CAPZB: variants seen among roughly 807,000 people sequenced by gnomAD.
CAPZB encodes the protein capping actin protein of muscle Z-line subunit beta.
Under a neutral mutation model 38.1 loss-of-function variants are expected in CAPZB, and 2 were observed. The ratio of observed to expected loss-of-function variants is 0.05; its 90% CI spans 0.02 to 0.17. The LOEUF is 0.17. Among genes scored for constraint, CAPZB ranks in the 10% least tolerant of loss-of-function variants. The probability of loss-of-function intolerance (pLI) is 1.00; values close to 1 mark genes in which losing one functional copy is unlikely to be tolerated. For missense variants in CAPZB, 161 were observed against 334.2 expected, an observed-to-expected ratio of 0.48 and a Z score of 4.04; for synonymous variants, 107 against 127.4, an observed-to-expected ratio of 0.84 and a Z score of 1.08.
At chr1:19,372,934 T>A (rs2094126645) in intron 4 of CAPZB, among the ~76,000 whole-genome samples, 1 of 151,880 alleles carries the variant, frequency 6.6e-6, no homozygotes, top group African/African-American at 2.4e-5. Flanking sequence ...AAAATGAAGG[T>A]GACTTGCGAG....
At chr1:19,400,169 A>G (rs184830248) in intron 2 of CAPZB, among the ~76,000 whole-genome samples, 27 of 152,156 alleles carry the variant, frequency 1.8e-4, no homozygotes, top group Admixed American at 4.6e-4. Flanking sequence ...CGAGACCTCA[A>G]CACCATCCTG....
intron 2 of CAPZB, among the ~76,000 whole-genome samples, chr1:19,418,413 A>G: frequency 6.6e-6 from 1 of 152,158 alleles, no homozygotes; most frequent in East Asian, 1.9e-4. Context: ...GTTCATTTGC[A>G]TCACAACTAT....
intron 1 of CAPZB, among the ~76,000 whole-genome samples, chr1:19,463,301 T>A (rs1451090217): frequency 2.0e-5 from 3 of 152,130 alleles, no homozygotes; most frequent in African/African-American, 7.2e-5. Flanking sequence ...GTGCCGCTCT[T>A]CTCCACACCA....
At chr1:19,406,177 C>A (rs1273498096) in intron 2 of CAPZB, among the ~76,000 whole-genome samples, 1 of 152,336 alleles carries the variant, frequency 6.6e-6, no homozygotes, top group Middle Eastern at 3.4e-3. Context: ...CCAGTGAGGG[C>A]CAATGACCCA....
At chr1:19,392,417 C>CA (rs2094241467) in intron 2 of CAPZB, among the ~76,000 whole-genome samples, 1 of 151,156 alleles carries the variant, frequency 6.6e-6, no homozygotes. Flanking sequence ...AGTGCAAGAA[C>CA]AGAGAGGAGC....
intron 1 of CAPZB, among the ~76,000 whole-genome samples, chr1:19,483,616 C>A (rs1327515072): frequency 6.6e-6 from 1 of 152,252 alleles, no homozygotes; most frequent in Non-Finnish European, 1.5e-5. Flanking sequence ...TTTCCCATCA[C>A]CTGGCGAGAA....
At chr1:19,441,466 C>T (rs752396670) in intron 1 of CAPZB, among the ~76,000 whole-genome samples, 1 of 152,102 alleles carries the variant, frequency 6.6e-6, no homozygotes, top group African/African-American at 2.4e-5. Context: ...CCTTGTTGGC[C>T]TCAGGGGAGT....
At chr1:19,389,182 G>A (rs1010733263) in intron 2 of CAPZB, among the ~76,000 whole-genome samples, 1 of 152,076 alleles carries the variant, frequency 6.6e-6, no homozygotes, top group Non-Finnish European at 1.5e-5. Flanking sequence ...CATTAGTCAC[G>A]ACCTGGCACC....
intron 1 of CAPZB, among the ~76,000 whole-genome samples, chr1:19,446,242 T>G (rs1184394918): frequency 6.6e-6 from 1 of 152,244 alleles, no homozygotes; most frequent in Non-Finnish European, 1.5e-5. Flanking sequence ...CAGGATGCAC[T>G]GCGTGCAGGA....
Position 19,339,234 on chromosome 1 carries a change from G to A in CAPZB, c.*296C>T, listed in dbSNP as rs925449868. 1.2e-5 allele frequency: 5 copies of A among 412,814 alleles called. No homozygotes were observed. The highest frequency in any genetic ancestry group is 6.1e-5 in the African/African-American group (3 of 49,368). The allele number at this position is 412,814 out of a possible 1,614,324, so 25.6% of individuals were successfully genotyped here. On this transcript the variant is annotated 3_prime_UTR_variant, in exon 9 of 9. Transcript: ENST00000264202. ...GAGGCTGGCAGACAGTGGATTTTAT[G>A]CCTATAAATGGGGGGACAGGGAGGA...
At chr1:19,375,272 A>G (rs955512217) in intron 4 of CAPZB, among the ~76,000 whole-genome samples, 4 of 152,244 alleles carry the variant, frequency 2.6e-5, no homozygotes, top group Non-Finnish European at 5.9e-5. Context: ...CGTTCCTCGC[A>G]TGTGGTCCCA....
intron 1 of CAPZB, chr1:19,448,806 C>G: frequency 1.9e-6 from 3 of 1,611,684 alleles, no homozygotes; most frequent in Non-Finnish European, 2.5e-6. Context: ...TGCTCCTCCT[C>G]CCCCCTCAGA....
rs116727316 is a variant in CAPZB at position 19,369,533 on chromosome 1, C to A, written c.329+9007G>T. 7.4e-3 allele frequency among the ~76,000 whole-genome samples: 1,128 copies of A among 152,338 alleles called. 19 individuals carry two copies. Among genetic ancestry groups the A allele is most frequent in the African/African-American group, 0.026 (1,072 of 41,578 alleles). ...AGGGCGGGTTCTCAGAGGCCCTGTGCGCACATGGCTGAAGACACAAACATG... is the reference window on the plus strand; with the variant it reads ...AGGGCGGGTTCTCAGAGGCCCTGTGAGCACATGGCTGAAGACACAAACATG... On this transcript the variant is annotated intron_variant, in intron 4 of 8. Coordinates refer to ENST00000264202, the MANE Select transcript of CAPZB (RefSeq NM_004930.5).
At position 19,356,837 on chromosome 1, in the gene CAPZB, C is replaced by T; in HGVS notation, c.472-86G>A. ...TCAGGGTCATCCTAACATCTCCCTT[C>T]CTAGGTCATTATCACAATATTACCT... is the stretch of plus-strand genomic sequence containing the variant. On this transcript the variant is annotated intron_variant, in intron 5 of 8. Transcript: ENST00000264202. This position sits in a 1 kb window ranked among gnomAD's most constrained non-coding sequence, Gnocchi z 4.3. 1.3e-6 allele frequency: 1 copy of T among 792,982 alleles called. No individual in the cohort carries two copies. The highest frequency in any genetic ancestry group is 2.1e-6 in the Non-Finnish European group (1 of 471,884). 49.1% of individuals were successfully genotyped at this position (792,982 alleles called of 1,614,324 possible). A position where few individuals can be genotyped will look rare whatever the true frequency, so the allele number is the denominator to read the frequency against.
chr1:19,474,057 G>A (rs2094598728), intron 1 of CAPZB, among the ~76,000 whole-genome samples: 1 of 151,718 alleles, frequency 6.6e-6, no homozygotes, highest in Non-Finnish European at 1.5e-5. Context: ...AGGCAGTGAT[G>A]TGATCTCGGC....
intron 1 of CAPZB, among the ~76,000 whole-genome samples, chr1:19,471,131 C>T (rs1404929293): frequency 6.6e-6 from 1 of 152,204 alleles, no homozygotes; most frequent in East Asian, 1.9e-4. Flanking sequence ...TAACTGATAA[C>T]ATCGAACAAT....
intron 4 of CAPZB, among the ~76,000 whole-genome samples, chr1:19,371,773 G>A (rs1248259299): frequency 6.6e-6 from 1 of 152,240 alleles, no homozygotes; most frequent in East Asian, 1.9e-4. Context: ...CCGAGGAAGG[G>A]GTGCCCTGAG....
intron 1 of CAPZB, among the ~76,000 whole-genome samples, chr1:19,462,983 C>G (rs555931543): frequency 1.3e-5 from 2 of 152,322 alleles, no homozygotes; most frequent in Admixed American, 1.3e-4. Context: ...ACATTTCCAT[C>G]ATCACAGAAA....
chr1:19,364,629 C>T (rs779798751), intron 4 of CAPZB, among the ~76,000 whole-genome samples: 4 of 152,218 alleles, frequency 2.6e-5, no homozygotes, highest in Non-Finnish European at 5.9e-5. Context: ...TCCTTCTGAA[C>T]ATACTCCAGC....
Sources: gnomAD v4.1 joint callset for allele counts (sites outside exome capture counted in the v4.1 genomes callset) on GRCh38, gnomAD v4.1.1 for gene constraint, Gnocchi (gnomAD v3.1) non-coding constraint, MANE v1.5 for transcripts, NCBI Gene and HGNC (gene_info 2026-07-23, HGNC 2026-07-21) for gene names.